The following WDSUB1 variants were observed in gnomAD, a reference collection of about 807,000 sequenced individuals.
WDSUB1 encodes the protein WD repeat, SAM and U-box domain-containing protein 1.
In WDSUB1, 49 loss-of-function variants were observed where a neutral mutation model predicts 53.9. The observed-to-expected ratio is 0.91, with a 90% CI of 0.72 to 1.15. The LOEUF is 1.15. Among genes scored for constraint, WDSUB1 ranks in the 50% most tolerant of loss-of-function variants. The pLI is 0.00. For missense variants in WDSUB1, 514 were observed against 562.0 expected, an observed-to-expected ratio of 0.91 and a Z score of 0.86; for synonymous variants, 194 against 200.6, an observed-to-expected ratio of 0.97 and a Z score of 0.28.
Position 159,256,305 on chromosome 2 carries a change from A to G in WDSUB1, c.1023T>C (p.Leu341=), listed in dbSNP as rs745599003. The part of the protein sequence containing the change: ...DWSEEDVSTW[L]CAQDLKDLVG... ...CAAGATCTTTTAAATCTTGTGCACA[A>G]AGCCATGTTGAGACATCCTCCTCTG... Residue 341 remains leucine (L), a synonymous_variant, in exon 9 of 11, where the codon CTT becomes CTC. Transcript: ENST00000359774. 2.5e-6 allele frequency: 4 copies of G among 1,612,560 alleles called. No homozygotes were observed. The South Asian group carries it at 4.4e-5, about 18-fold the overall frequency.
At chr2:159,271,394 A>G (rs174267) in intron 5 of WDSUB1, among the ~76,000 whole-genome samples, 151,983 of 152,288 alleles carry the variant, frequency 1, 75,839 homozygotes, top group Non-Finnish European at 1. Flanking sequence ...CCACAGCTCC[A>G]GGCAATAATA....
intron 5 of WDSUB1, among the ~76,000 whole-genome samples, chr2:159,263,103 A>G (rs1455062697): frequency 6.6e-6 from 1 of 152,188 alleles, no homozygotes; most frequent in Non-Finnish European, 1.5e-5. Context: ...GACAACATCA[A>G]CAACACATAG....
At chr2:159,241,304 A>G (rs1241762731) in intron 10 of WDSUB1, among the ~76,000 whole-genome samples, 4 of 152,234 alleles carry the variant, frequency 2.6e-5, no homozygotes, top group Non-Finnish European at 4.4e-5. Context: ...GTGTTGTAAC[A>G]TAAGATGATT....
intron 10 of WDSUB1, among the ~76,000 whole-genome samples, chr2:159,239,979 C>T (rs1274625904): frequency 2.0e-5 from 3 of 152,248 alleles, no homozygotes; most frequent in Non-Finnish European, 4.4e-5. Context: ...TATTTCACAC[C>T]ATAAAATGCA....
At chr2:159,271,658 T>C (rs969378912) in intron 5 of WDSUB1, 44 bp downstream of exon 5, 2 of 1,509,512 alleles carry the variant, frequency 1.3e-6, no homozygotes, top group East Asian at 4.5e-5. Flanking sequence ...GTCTGTTTGA[T>C]TTCATATAAA....
At chr2:159,263,350 C>A (rs1334643042) in intron 5 of WDSUB1, among the ~76,000 whole-genome samples, 1 of 151,944 alleles carries the variant, frequency 6.6e-6, no homozygotes, top group African/African-American at 2.4e-5. Context: ...CAGTCTCTTA[C>A]AAAGATAGAG....
rs561991376 is a variant in WDSUB1, at chr2:159,267,750, A to T, written c.770+3952T>A. 3.9e-5 allele frequency among the ~76,000 whole-genome samples: 6 copies of T among 152,228 alleles called. No individual in the cohort carries two copies. In the East Asian group the frequency reaches 1.2e-3, roughly 29 times the overall value. On this transcript the variant is annotated intron_variant, in intron 5 of 10. Coordinates refer to ENST00000359774, the MANE Select transcript of WDSUB1 (RefSeq NM_001128212.3). ...CCATACGTATTCATTCTATCTTATC[A>T]TTGACTTTTAGTCACAAATAGAATC...
chr2:159,238,227 C>T (rs939845804), intron 10 of WDSUB1, among the ~76,000 whole-genome samples: 3 of 151,844 alleles, frequency 2.0e-5, no homozygotes, highest in Admixed American at 2.0e-4. Flanking sequence ...ATCAACACTT[C>T]ATCAATTTCT....
In WDSUB1 at chr2:159,236,019, CA is replaced by C; in HGVS notation, c.*13del. On this transcript the variant is annotated 3_prime_UTR_variant, in exon 11 of 11. Coordinates refer to ENST00000359774, the MANE Select transcript of WDSUB1 (RefSeq NM_001128212.3). Reference sequence around the variant, plus strand: ...GAGATCACTGAAAATATAAATAATACAATATCAACAATTTTACTTTTGGTGT... The same window carrying C: ...GAGATCACTGAAAATATAAATAATACATATCAACAATTTTACTTTTGGTGT... The C allele has an allele frequency of 6.3e-7, 1 of 1,582,106 alleles. No individual in the cohort carries two copies.
chr2:159,257,754 T>A lies in WDSUB1; in HGVS notation c.952+4A>T, dbSNP rs2061097364. 1 of 1,612,430 alleles carries A rather than the reference T, an allele frequency of 6.2e-7. No individual in the cohort carries two copies. Among genetic ancestry groups the A allele is most frequent in the Middle Eastern group, 1.7e-4 (1 of 6,058 alleles). On this transcript the variant is annotated splice_donor_region_variant and intron_variant, in intron 8 of 10. Transcript: ENST00000359774. Reference sequence around the variant, plus strand: ...AATGAGTGAAAAATGATGTCCTTACTAACCTTGGCAAAGTGTTTCCAGGTC... The same window carrying A: ...AATGAGTGAAAAATGATGTCCTTACAAACCTTGGCAAAGTGTTTCCAGGTC...
chr2:159,267,601 G>C (rs1016189789), intron 5 of WDSUB1, among the ~76,000 whole-genome samples: 1 of 152,100 alleles, frequency 6.6e-6, no homozygotes, highest in African/African-American at 2.4e-5. Flanking sequence ...TCCACACCCA[G>C]CCCTTAGTAC....
Position 159,275,922 on chromosome 2 carries a change from T to C in WDSUB1, c.584-284A>G, listed in dbSNP as rs1353250657. 1.7e-4 allele frequency among the ~76,000 whole-genome samples: 26 copies of C among 152,230 alleles called. 1 individual carries two copies. ...CAAGGACCAATATTGAGCCACTCAA[T>C]AGAGCATCCTCCTCTAACTCAATTT... On this transcript the variant is annotated intron_variant, in intron 3 of 10. Transcript: ENST00000359774.
intron 5 of WDSUB1, among the ~76,000 whole-genome samples, chr2:159,265,105 C>A (rs902852459): frequency 0.013 from 1,946 of 144,792 alleles, 54 homozygotes; most frequent in African/African-American, 0.049. Context: ...AAAAATAAAA[C>A]AACAACAACA....
chr2:159,285,385 G>C (rs2061769182), intron 1 of WDSUB1, among the ~76,000 whole-genome samples: 1 of 148,302 alleles, frequency 6.7e-6, no homozygotes, highest in African/African-American at 2.6e-5. Flanking sequence ...CTTTGTCCTA[G>C]TCTTATTTAC....
chr2:159,262,646 G>A (rs1208048624), intron 5 of WDSUB1, among the ~76,000 whole-genome samples: 1 of 152,156 alleles, frequency 6.6e-6, no homozygotes, highest in African/African-American at 2.4e-5. Flanking sequence ...GATGCAATAG[G>A]ATTTGATAAT....
intron 3 of WDSUB1, among the ~76,000 whole-genome samples, chr2:159,276,904 C>T (rs1346780397): frequency 6.6e-6 from 1 of 152,048 alleles, no homozygotes; most frequent in Non-Finnish European, 1.5e-5. Flanking sequence ...ACTTAGGAGG[C>T]CGAGGCAGGG....
chr2:159,238,659 T>C (rs1281354018), intron 10 of WDSUB1, among the ~76,000 whole-genome samples: 6 of 152,242 alleles, frequency 3.9e-5, no homozygotes, highest in Non-Finnish European at 8.8e-5. Context: ...ATTTTAAACT[T>C]TTCCATTGTT....
chr2:159,280,068 G>A (rs2061622579), intron 2 of WDSUB1, 123 bp from the exon 3 acceptor site: 13 of 822,846 alleles, frequency 1.6e-5, no homozygotes, highest in Non-Finnish European at 2.4e-5. Context: ...TAGAGAGAAA[G>A]GACAACTGAT....
At chr2:159,251,276 TAAGAA>T (rs2060946810) in intron 9 of WDSUB1, among the ~76,000 whole-genome samples, 2 of 151,022 alleles carry the variant, frequency 1.3e-5, no homozygotes, top group South Asian at 4.2e-4. Flanking sequence ...AAAAAAAAAT[TAAGAA>T]AAAGAAAAAA....
Sources: gnomAD v4.1 joint callset for allele counts (sites outside exome capture counted in the v4.1 genomes callset) on GRCh38, gnomAD v4.1.1 for gene constraint, MANE v1.5 for transcripts, NCBI Gene and HGNC (gene_info 2026-07-23, HGNC 2026-07-21) for gene names.